Variants in TRMT2A observed in about 807,000 individuals in gnomAD.
TRMT2A encodes the protein tRNA methyltransferase 2A.
In TRMT2A, 60 loss-of-function variants were observed where a neutral mutation model predicts 59.3. The observed-to-expected ratio is 1.01, with a 90% confidence interval of 0.82 to 1.26. TRMT2A has a LOEUF of 1.26. Ranked by LOEUF, TRMT2A falls within the 50% of genes most tolerant of loss-of-function variation. TRMT2A has a pLI of 0.00. For missense variants in TRMT2A, 863 were observed against 845.2 expected (o/e 1.02, Z -0.26); for synonymous variants, 403 against 353.7 (o/e 1.14, Z -1.56).
chr22:20,112,311 A>G lies in TRMT2A; in HGVS notation c.*252T>C, dbSNP rs1191473834. On this transcript the variant is annotated 3_prime_UTR_variant, in exon 12 of 12. Coordinates refer to ENST00000252136, the MANE Select transcript of TRMT2A (RefSeq NM_022727.6). ...ATCACAGAAACACCCTTTGTTGAGC[A>G]GTTGTTTATTCTGGCCCTCACAGCC... 7.4e-6 allele frequency: 4 copies of G among 540,058 alleles called. No individual in the cohort carries two copies. In the East Asian group the frequency reaches 1.2e-4, roughly 16 times the overall value. The allele number at this position is 540,058 out of a possible 1,614,324, so 33.5% of individuals were successfully genotyped here.
chr22:20,115,124 C>A (rs527719950), intron 4 of TRMT2A, 45 bp from the exon 5 acceptor site: 34 of 1,561,832 alleles, frequency 2.2e-5, no homozygotes, highest in Non-Finnish European at 6.1e-6. Context: ...ACTGGGCAAG[C>A]AGTCCCCCTG....
In TRMT2A at chr22:20,115,313, G is replaced by A. The variant is rs759537190; in HGVS notation, c.843C>T (p.Ile281=). 5 of 1,612,830 alleles carry A rather than the reference G, an allele frequency of 3.1e-6. No homozygotes were observed. In the East Asian group the frequency reaches 6.7e-5, roughly 22 times the overall value. The change falls in exon 4 of 12, where the codon ATC becomes ATT. Residue 281 remains isoleucine (I), a synonymous_variant. Transcript: ENST00000252136. ...AVAAPFDTVH[I]PEATKQVVKA... ...TCACCACCTGCTTGGTGGCTTCGGG[G>A]ATGTGCACGGTGTCAAACGGGGCTG...
Position 20,114,886 on chromosome 22 carries a change from G to A in TRMT2A, c.1006-10C>T, listed in dbSNP as rs765790522. ...CCTCAGGGCTCAGCTTCTGGAGTAA[G>A]TGGTGAAAAGTTCCCATCAGGCTGT... On this transcript the variant is annotated splice_polypyrimidine_tract_variant and intron_variant, in intron 5 of 11. Coordinates refer to ENST00000252136, the MANE Select transcript of TRMT2A (RefSeq NM_022727.6). 1.3e-6 allele frequency: 2 copies of A among 1,580,062 alleles called. No individual in the cohort carries two copies. Among genetic ancestry groups the A allele is most frequent in the Non-Finnish European group, 1.7e-6 (2 of 1,164,390 alleles).
chr22:20,114,636 G>T lies in TRMT2A; in HGVS notation c.1171C>A (p.Arg391=). 1 of 1,613,762 alleles carries T rather than the reference G, an allele frequency of 6.2e-7. No individual in the cohort carries two copies. Among genetic ancestry groups the T allele is most frequent in the South Asian group, 1.1e-5 (1 of 91,086 alleles). Residue 391 remains arginine (R), a synonymous_variant, in exon 7 of 12, where the codon CGG becomes AGG. Transcript: ENST00000252136. ...CCTAGCAGGTCCTCGTGGATGCACCGGTCCCCAGCCACATGCTCCAGGGGC... is the reference window on the plus strand; with the variant it reads ...CCTAGCAGGTCCTCGTGGATGCACCTGTCCCCAGCCACATGCTCCAGGGGC... The part of the protein sequence containing the change: ...GLPLEHVAGD[R]CIHEDLLGLT...
chr22:20,113,424 C>T lies in TRMT2A; in HGVS notation c.1432+8G>A. On this transcript the variant is annotated splice_region_variant and intron_variant, in intron 9 of 11. Coordinates refer to ENST00000252136, the MANE Select transcript of TRMT2A (RefSeq NM_022727.6). Reference sequence around the variant, plus strand: ...ATCCCCACCCCCACCCACGGCCTTGCCACTCACCATTGTCCTGGGCGTTCA... The same window carrying T: ...ATCCCCACCCCCACCCACGGCCTTGTCACTCACCATTGTCCTGGGCGTTCA... The T allele has an allele frequency of 9.5e-6, 12 of 1,258,902 alleles. No homozygotes were observed. The highest frequency in any genetic ancestry group is 1.4e-5 in the Non-Finnish European group (12 of 866,574). The allele number at this position is 1,258,902 out of a possible 1,614,324, so 78.0% of individuals were successfully genotyped here. A position where few individuals can be genotyped will look rare whatever the true frequency, so the allele number is the denominator to read the frequency against.
Position 20,116,917 on chromosome 22 carries a change from G to T in TRMT2A, c.-11C>A. On this transcript the variant is annotated 5_prime_UTR_variant, in exon 1 of 12. Coordinates refer to ENST00000252136, the MANE Select transcript of TRMT2A (RefSeq NM_022727.6). ...GAGGTTCTCACTCATCGCCCAGGCG[G>T]TTCTCCGCCTAGACCAGGGACGCCA... 9 of 1,594,782 alleles carry T rather than the reference G, an allele frequency of 5.6e-6. No homozygotes were observed. The highest frequency in any genetic ancestry group is 7.7e-6 in the Non-Finnish European group (9 of 1,170,722).
At chr22:20,113,400 T>TGCCCCCCCCCCCCCCCCCCCCTG in intron 9 of TRMT2A, 32 bp downstream of exon 9, 3 of 1,049,432 alleles carry the variant, frequency 2.9e-6, no homozygotes, top group Non-Finnish European at 2.9e-6. Context: ...GCTGCCCCCA[T>TGCCCCCCCCCCCCCCCCCCCCTG]CCCCACCCCC....
chr22:20,115,934 C>T (rs949929912), intron 2 of TRMT2A, 104 bp downstream of exon 2: 67 of 1,433,084 alleles, frequency 4.7e-5, no homozygotes, highest in Admixed American at 1.9e-4. Flanking sequence ...CCAAAGGGGC[C>T]GCCAGATCCT....
intron 7 of TRMT2A, 31 bp from the exon 8 acceptor site, chr22:20,113,839 G>T: frequency 6.5e-7 from 1 of 1,532,254 alleles, no homozygotes; most frequent in South Asian, 1.2e-5. Flanking sequence ...GGATGTCAGT[G>T]GCTCCTCTCC....
chr22:20,115,744 C>T lies in TRMT2A; in HGVS notation c.636G>A (p.Trp212Ter). The change falls in exon 3 of 12, where the codon TGG (tryptophan) becomes TGA (stop). Residue 212 changes from tryptophan to a stop codon, truncating the protein, a stop_gained. Transcript: ENST00000252136. LOFTEE classifies it high-confidence loss of function. ...IGSTNRALLP[W>*]LLEQRHKHNK... ...TGTGCTTGTGCCTCTGCTCGAGCAG[C>T]CAGGGCAGCAAGGCACGGTTGGTGC... is the stretch of plus-strand genomic sequence containing the variant. 6.2e-7 allele frequency: 1 copy of T among 1,612,282 alleles called. No homozygotes were observed. The highest frequency in any genetic ancestry group is 8.5e-7 in the Non-Finnish European group (1 of 1,179,418).
chr22:20,116,726 G>GCCCCCCCC, intron 1 of TRMT2A, 114 bp from the exon 2 acceptor site: 1 of 1,419,668 alleles, frequency 7.0e-7, no homozygotes, highest in Non-Finnish European at 9.5e-7. Flanking sequence ...ACTCAGCCCT[G>GCCCCCCCC]CCCCTCCCCC....
intron 1 of TRMT2A, 69 bp from the exon 2 acceptor site, chr22:20,116,681 T>G (rs1266689958): frequency 3.7e-5 from 55 of 1,493,082 alleles, no homozygotes; most frequent in Non-Finnish European, 4.4e-5. Flanking sequence ...CAAGCTTCCT[T>G]ATGGGACACC....
intron 2 of TRMT2A, 86 bp from the exon 3 acceptor site, chr22:20,115,866 C>T: frequency 6.9e-7 from 1 of 1,440,614 alleles, no homozygotes; most frequent in Non-Finnish European, 9.4e-7. Context: ...AGGCTCCTGA[C>T]CCCTCCTTTG....
At chr22:20,114,202 G>A (rs1475570032) in intron 7 of TRMT2A, among the ~76,000 whole-genome samples, 1 of 152,148 alleles carries the variant, frequency 6.6e-6, no homozygotes, top group Non-Finnish European at 1.5e-5. Flanking sequence ...TGCCAGGCCT[G>A]TCTCCAAAAA....
At chr22:20,115,852 G>A (rs2049997798) in intron 2 of TRMT2A, 72 bp from the exon 3 acceptor site, 24 of 1,484,516 alleles carry the variant, frequency 1.6e-5, no homozygotes, top group East Asian at 2.3e-5. Flanking sequence ...CTCCCCAAAT[G>A]TCCAGGCTCC....
chr22:20,116,674 G>C, intron 1 of TRMT2A, 62 bp from the exon 2 acceptor site: 2 of 1,497,282 alleles, frequency 1.3e-6, no homozygotes, highest in South Asian at 2.7e-5. Context: ...GGCCCCCCAA[G>C]CTTCCTTATG....
intron 1 of TRMT2A, 117 bp downstream of exon 1, chr22:20,116,766 C>T (rs912332472): frequency 7.0e-7 from 1 of 1,431,746 alleles, no homozygotes; most frequent in Admixed American, 2.0e-5. Context: ...ATTCCCGTCT[C>T]CTTTCCTCCC....
At position 20,115,783 on chromosome 22, in the gene TRMT2A, G is replaced by A. The variant is rs1248972380; in HGVS notation, c.600-3C>T. 4 of 1,604,458 alleles carry A rather than the reference G, an allele frequency of 2.5e-6. No homozygotes were observed. Among genetic ancestry groups the A allele is most frequent in the Non-Finnish European group, 3.4e-6 (4 of 1,173,184 alleles). On this transcript the variant is annotated splice_polypyrimidine_tract_variant and splice_region_variant and intron_variant, in intron 2 of 11. Coordinates refer to ENST00000252136, the MANE Select transcript of TRMT2A (RefSeq NM_022727.6). ...CACGGTTGGTGCTCCCGATTTCCCT[G>A]TAAGAGGAGCAGATCGGTGGTTGGA...
chr22:20,112,834 G>T, intron 11 of TRMT2A, 40 bp from the exon 12 acceptor site: 1 of 1,612,642 alleles, frequency 6.2e-7, no homozygotes, highest in Non-Finnish European at 8.5e-7. Context: ...CAGCCGATAG[G>T]CTAATCAGGG....
Sources: gnomAD v4.1 joint callset for allele counts (sites outside exome capture counted in the v4.1 genomes callset) on GRCh38, gnomAD v4.1.1 for gene constraint, MANE v1.5 for transcripts, NCBI Gene and HGNC (gene_info 2026-07-23, HGNC 2026-07-21) for gene names.